Variants in KALRN observed in about 807,000 individuals in gnomAD.
KALRN encodes the protein kalirin RhoGEF kinase, also known as kalirin.
In KALRN, 70 loss-of-function variants were observed where a neutral mutation model predicts 353.7. The ratio of observed to expected loss-of-function variants is 0.20; its 90% CI spans 0.16 to 0.24. The LOEUF (loss-of-function observed/expected upper bound fraction) is 0.24, where lower values mean the gene tolerates loss of function less well. Ranked by LOEUF, KALRN falls within the 10% of genes least tolerant of loss-of-function variation. The pLI is 1.00. For synonymous variants in KALRN, 1,391 were observed against 1,434.8 expected (o/e 0.97, Z 0.69); for missense variants, 2,791 against 3,756.7 (o/e 0.74, Z 6.72).
At position 124,657,501 on chromosome 3, in the gene KALRN, G is replaced by A. The variant is rs1406457819; in HGVS notation, c.5916G>A (p.Lys1972=). The change falls in exon 40 of 60, where the codon AAG becomes AAA. Residue 1972 remains lysine, a synonymous_variant. Transcript: ENST00000682506. ...GTGTCCCTGAGGATATGCGAGGAAA[G>A]GACAAAATCGTGTTTGGAAATATTC... ...EKGVPEDMRG[K]DKIVFGNIHQ... 12 of 1,614,098 alleles carry A rather than the reference G, an allele frequency of 7.4e-6. No individual in the cohort carries two copies. The highest frequency in any genetic ancestry group is 1.7e-5 in the Admixed American group (1 of 60,034).
At chr3:124,295,330 T>C (rs1198648097) in intron 5 of KALRN, among the ~76,000 whole-genome samples, 1 of 152,160 alleles carries the variant, frequency 6.6e-6, no homozygotes, top group Non-Finnish European at 1.5e-5. Flanking sequence ...CAGACCCCAG[T>C]GACAAGCTTG....
chr3:124,124,915 C>T (rs1177559649), intron 1 of KALRN, among the ~76,000 whole-genome samples: 1 of 152,138 alleles, frequency 6.6e-6, no homozygotes, highest in East Asian at 1.9e-4. Context: ...TCATGTGACT[C>T]ACTTTATTGT....
intron 6 of KALRN, among the ~76,000 whole-genome samples, chr3:124,309,356 C>A (rs765357942): frequency 5.3e-5 from 8 of 152,038 alleles, no homozygotes; most frequent in Non-Finnish European, 7.4e-5. Flanking sequence ...AGACCAATAT[C>A]TCTTATAAAT....
chr3:124,088,871 T>C (rs1289805483), intron 1 of KALRN, among the ~76,000 whole-genome samples: 1 of 152,136 alleles, frequency 6.6e-6, no homozygotes, highest in Non-Finnish European at 1.5e-5. Flanking sequence ...TTTTTCTTTT[T>C]GAAAATAAGA....
intron 1 of KALRN, among the ~76,000 whole-genome samples, chr3:124,038,808 C>T (rs1283418691): frequency 6.6e-6 from 1 of 152,210 alleles, no homozygotes; most frequent in Non-Finnish European, 1.5e-5. Context: ...TTTCTTAATT[C>T]TATAAGTGAC....
At chr3:124,279,692 T>G (rs1332766979) in intron 5 of KALRN, among the ~76,000 whole-genome samples, 1 of 152,184 alleles carries the variant, frequency 6.6e-6, no homozygotes, top group Non-Finnish European at 1.5e-5. Context: ...AGAGAACACT[T>G]GCTGAAGATA....
At chr3:124,703,074 G>A (rs765015910) in intron 57 of KALRN, among the ~76,000 whole-genome samples, 3 of 152,070 alleles carry the variant, frequency 2.0e-5, no homozygotes, top group Non-Finnish European at 4.4e-5. Context: ...ACCCACTAAC[G>A]ATGGGCCATT....
chr3:124,700,032 T>C lies in KALRN; in HGVS notation c.7995T>C (p.Tyr2665=), dbSNP rs56047676. ...EPSEFVRLPE[Y]DAAADGATIS... Reference sequence around the variant, plus strand: ...CGGAGTTTGTGCGACTTCCAGAATATGGTGAGTCCCAGCCCAGCCCTGGCC... The same window carrying C: ...CGGAGTTTGTGCGACTTCCAGAATACGGTGAGTCCCAGCCCAGCCCTGGCC... The change falls in exon 56 of 60, where the codon TAT becomes TAC. Residue 2665 remains tyrosine, a splice_region_variant and synonymous_variant. Transcript: ENST00000682506. 190,142 of 1,613,644 alleles carry C rather than the reference T, an allele frequency of 0.12. 11,444 individuals carry two copies. The highest frequency in any genetic ancestry group is 0.14 in the African/African-American group (10,182 of 74,986).
chr3:124,392,568 T>G (rs538974334), intron 11 of KALRN, among the ~76,000 whole-genome samples: 1 of 145,560 alleles, frequency 6.9e-6, no homozygotes, highest in African/African-American at 2.7e-5. Flanking sequence ...TTTTTTTTGT[T>G]TTTTTTTTTA....
rs781765343 is a variant in KALRN at position 124,395,129 on chromosome 3, C to A, written c.1963-6C>A. 3.7e-6 allele frequency: 6 copies of A among 1,610,410 alleles called. No individual in the cohort carries two copies. The highest frequency in any genetic ancestry group is 5.1e-6 in the Non-Finnish European group (6 of 1,177,140). ...CCTGAGTGGAATCTCTGCTCTCTCTCTACAGTTGTGGACATGGATGGAAGA... is the reference window on the plus strand; with the variant it reads ...CCTGAGTGGAATCTCTGCTCTCTCTATACAGTTGTGGACATGGATGGAAGA... On this transcript the variant is annotated splice_region_variant and splice_polypyrimidine_tract_variant and intron_variant, in intron 11 of 59. Coordinates refer to ENST00000682506, the MANE Select transcript of KALRN (RefSeq NM_001388419.1).
At chr3:124,583,284 T>A (rs1025257154) in intron 34 of KALRN, among the ~76,000 whole-genome samples, 15 of 151,942 alleles carry the variant, frequency 9.9e-5, no homozygotes, top group African/African-American at 3.4e-4. Context: ...TCTTTATGAG[T>A]GTTGTGTGTT....
chr3:124,719,606 C>CTGACGAGGTTTAA lies in KALRN; in HGVS notation c.*136_*137insTGACGAGGTTTAA. ...ATTGAGAGATGTACCTCTTAAACCT[C>CTGACGAGGTTTAA]GTCAGTGGTTATTCAGGGTCTGAGC... On this transcript the variant is annotated 3_prime_UTR_variant, in exon 60 of 60. Transcript: ENST00000682506. This position sits in a 1 kb window ranked among gnomAD's most constrained non-coding sequence, Gnocchi z 5.3. 2 of 823,622 alleles carry CTGACGAGGTTTAA rather than the reference C, an allele frequency of 2.4e-6. No individual in the cohort carries two copies. The highest frequency in any genetic ancestry group is 3.7e-6 in the Non-Finnish European group (2 of 536,442). 51.0% of individuals were successfully genotyped at this position (823,622 alleles called of 1,614,324 possible).
intron 1 of KALRN, among the ~76,000 whole-genome samples, chr3:124,187,014 G>C (rs570357388): frequency 6.6e-6 from 1 of 152,158 alleles, no homozygotes; most frequent in Non-Finnish European, 1.5e-5. Context: ...CCTTGGTGCG[G>C]GTGGGATATC....
chr3:124,103,225 C>G (rs748902785), intron 1 of KALRN, among the ~76,000 whole-genome samples: 119 of 152,174 alleles, frequency 7.8e-4, no homozygotes, highest in Non-Finnish European at 1.4e-3. Flanking sequence ...TGTATCTAGG[C>G]CAAGTCCTAG....
At chr3:124,158,506 G>A (rs576377269) in intron 1 of KALRN, among the ~76,000 whole-genome samples, 31 of 152,176 alleles carry the variant, frequency 2.0e-4, no homozygotes, top group Non-Finnish European at 4.1e-4. Flanking sequence ...TCCCCAAGAG[G>A]CATTCATGTG....
At chr3:124,086,903 A>C (rs554215620) in intron 1 of KALRN, among the ~76,000 whole-genome samples, 2 of 152,342 alleles carry the variant, frequency 1.3e-5, no homozygotes, top group South Asian at 4.1e-4. Flanking sequence ...GCAGGTGAAT[A>C]CTAACTATCC....
chr3:124,093,585 C>G (rs2061251325), intron 1 of KALRN, among the ~76,000 whole-genome samples: 1 of 152,210 alleles, frequency 6.6e-6, no homozygotes, highest in Non-Finnish European at 1.5e-5. Flanking sequence ...GTCTCTGCAG[C>G]TTACTTTTCT....
chr3:124,580,384 G>GGGGGGGGGGGGGT (rs1398227667), intron 34 of KALRN, among the ~76,000 whole-genome samples: 4 of 148,546 alleles, frequency 2.7e-5, no homozygotes, highest in Non-Finnish European at 4.4e-5. Flanking sequence ...GGGGAGGGGG[G>GGGGGGGGGGGGGT]ACTCAGGCAG....
intron 1 of KALRN, among the ~76,000 whole-genome samples, chr3:124,226,955 T>C (rs1231284020): frequency 2.6e-5 from 4 of 151,230 alleles, no homozygotes; most frequent in Non-Finnish European, 5.9e-5. Flanking sequence ...TGGCGACACA[T>C]AACAGAGACC....
Sources: allele counts gnomAD v4.1 joint callset (sites outside exome capture counted in the v4.1 genomes callset), GRCh38; gene constraint gnomAD v4.1.1; non-coding constraint Gnocchi (gnomAD v3.1); transcripts MANE v1.5; gene names NCBI Gene and HGNC (gene_info 2026-07-23, HGNC 2026-07-21).